The following ELOVL6 variants were observed in gnomAD, a reference collection of about 807,000 sequenced individuals.
ELOVL6 encodes very long chain fatty acid elongase 6.
ELOVL6 carries 8 observed loss-of-function variants against 31.7 expected under a neutral mutation model. The observed-to-expected ratio is 0.25, with a 90% CI of 0.15 to 0.45. The LOEUF is 0.45. Among genes scored for constraint, ELOVL6 ranks in the 20% least tolerant of loss-of-function variants. The probability of loss-of-function intolerance (pLI) is 1.00; values close to 1 mark genes in which losing one functional copy is unlikely to be tolerated. For synonymous variants in ELOVL6, 101 were observed against 117.7 expected (o/e 0.86, Z 0.92); for missense variants, 126 against 326.4 (o/e 0.39, Z 4.73).
intron 1 of ELOVL6, among the ~76,000 whole-genome samples, chr4:110,111,908 GTT>G (rs1273820233): frequency 6.6e-6 from 1 of 152,206 alleles, no homozygotes; most frequent in African/African-American, 2.4e-5. Flanking sequence ...TGCACCTCAA[GTT>G]TGCAGTAAGT....
chr4:110,068,574 G>A (rs539732007), intron 2 of ELOVL6, among the ~76,000 whole-genome samples: 3 of 152,240 alleles, frequency 2.0e-5, no homozygotes, highest in East Asian at 3.9e-4. Flanking sequence ...AGAAGTACCC[G>A]CTTATTGTCT....
chr4:110,117,138 G>A (rs1264981887), intron 1 of ELOVL6, among the ~76,000 whole-genome samples: 4 of 152,162 alleles, frequency 2.6e-5, no homozygotes, highest in Admixed American at 1.3e-4. Flanking sequence ...TTTACAACTG[G>A]AAGGCAGTTG....
rs1553960748 is a variant in ELOVL6, at chr4:110,148,129, A to AG, written c.90-42502dup. 5.2e-3 allele frequency among the ~76,000 whole-genome samples: 784 copies of AG among 150,938 alleles called. 16 individuals carry two copies. Among genetic ancestry groups the AG allele is most frequent in the African/African-American group, 0.018 (718 of 40,844 alleles). ...GGTCTCAAAAAAAAAAAAAAAAAAA[A>AG]GCCAAATAATCATCCCATTAACAAG... On this transcript the variant is annotated intron_variant, in intron 1 of 3. Transcript: ENST00000302274.
At chr4:110,090,600 C>CTTTTTTGTTTTTTTT (rs1553956743) in intron 2 of ELOVL6, among the ~76,000 whole-genome samples, 11 of 103,714 alleles carry the variant, frequency 1.1e-4, no homozygotes, top group Non-Finnish European at 1.1e-4. Context: ...GTTTGACTTT[C>CTTTTTTGTTTTTTTT]TTTTTTTTTT....
In ELOVL6 at chr4:110,117,585, A is replaced by G. The variant is rs575004104; in HGVS notation, c.90-11957T>C. 7.4e-4 allele frequency among the ~76,000 whole-genome samples: 113 copies of G among 151,822 alleles called. 1 individual carries two copies. Among genetic ancestry groups the G allele is most frequent in the Non-Finnish European group, 1.1e-3 (78 of 67,976 alleles). ...CTGCATCCTGAAGGCTGGTAGATTG[A>G]ATTCTTACAATTATTCATCTGCTTC... On this transcript the variant is annotated intron_variant, in intron 1 of 3. Coordinates refer to ENST00000302274, the MANE Select transcript of ELOVL6 (RefSeq NM_024090.3).
chr4:110,147,025 G>A (rs1271638870), intron 1 of ELOVL6: 1 of 153,458 alleles, frequency 6.5e-6, no homozygotes, highest in Non-Finnish European at 1.4e-5. Flanking sequence ...CTGAACTTAA[G>A]GATTTGGGTG....
At chr4:110,082,585 G>C (rs1755898273) in intron 2 of ELOVL6, among the ~76,000 whole-genome samples, 1 of 151,818 alleles carries the variant, frequency 6.6e-6, no homozygotes, top group Admixed American at 6.6e-5. Context: ...CACACACCAG[G>C]GCCTGTTGTG....
At chr4:110,189,794 C>T (rs1759559331) in intron 1 of ELOVL6, among the ~76,000 whole-genome samples, 1 of 151,380 alleles carries the variant, frequency 6.6e-6, no homozygotes, top group Admixed American at 6.6e-5. Context: ...CAGTGAAACC[C>T]CGTCTCTACT....
intron 2 of ELOVL6, among the ~76,000 whole-genome samples, chr4:110,079,758 C>T (rs1037722048): frequency 5.4e-5 from 8 of 148,906 alleles, no homozygotes; most frequent in East Asian, 3.9e-4. Flanking sequence ...CTGAAGGAAA[C>T]AGAGACACAA....
chr4:110,198,150 G>C, intron 1 of ELOVL6, 97 bp downstream of exon 1: 1 of 771,934 alleles, frequency 1.3e-6, no homozygotes, highest in African/African-American at 1.8e-5. Flanking sequence ...GCGATTCATC[G>C]CTCCATTCAC....
At position 110,083,990 on chromosome 4, in the gene ELOVL6, T is replaced by TATATAACATATGCTATATATGAC. The variant is rs1756000238; in HGVS notation, c.221+21506_221+21507insGTCATATATAGCATATGTTATAT. ...ATGATATAACATATGCCATATACGA[T>TATATAACATATGCTATATATGAC]ATATAACATATGCCATATATGGTAT... On this transcript the variant is annotated intron_variant, in intron 2 of 3. Transcript: ENST00000302274. Among the ~76,000 whole-genome samples the TATATAACATATGCTATATATGAC allele has an allele frequency of 2.1e-5, 2 of 96,598 alleles. 1 individual carries two copies. Among genetic ancestry groups the TATATAACATATGCTATATATGAC allele is most frequent in the African/African-American group, 1.0e-4 (2 of 19,580 alleles). The allele number at this position is 96,598 out of a possible 152,430, so 63.4% of individuals were successfully genotyped here.
chr4:110,053,000 C>T (rs7665258), intron 3 of ELOVL6, among the ~76,000 whole-genome samples: 7,865 of 152,228 alleles, frequency 0.052, 270 homozygotes, highest in South Asian at 0.13. Flanking sequence ...TACGTGCCAT[C>T]GCAGCTCACT....
chr4:110,143,282 T>C (rs1258279564), intron 1 of ELOVL6, among the ~76,000 whole-genome samples: 1 of 152,148 alleles, frequency 6.6e-6, no homozygotes, highest in Non-Finnish European at 1.5e-5. Flanking sequence ...TTTTTTAACT[T>C]ATCTTTACCA....
intron 2 of ELOVL6, among the ~76,000 whole-genome samples, chr4:110,066,851 A>G (rs1411375804): frequency 2.0e-5 from 3 of 152,050 alleles, no homozygotes; most frequent in Non-Finnish European, 4.4e-5. Flanking sequence ...TGCACCCATC[A>G]ACGCATCATC....
chr4:110,095,678 G>T (rs780966506), intron 2 of ELOVL6, among the ~76,000 whole-genome samples: 4 of 152,120 alleles, frequency 2.6e-5, no homozygotes, highest in Non-Finnish European at 5.9e-5. Context: ...TTTAATTAAG[G>T]TTTAAACAGG....
At chr4:110,084,239 A>ATAACATGATATATATAACATG (rs1560814690) in intron 2 of ELOVL6, among the ~76,000 whole-genome samples, 3,199 of 93,034 alleles carry the variant, frequency 0.034, 406 homozygotes, top group Non-Finnish European at 0.043. Flanking sequence ...TATATAACAT[A>ATAACATGATATATATAACATG]TATGATATAT....
chr4:110,165,321 A>C (rs751225840), intron 1 of ELOVL6, among the ~76,000 whole-genome samples: 2 of 152,094 alleles, frequency 1.3e-5, no homozygotes, highest in East Asian at 1.9e-4. Context: ...CCCTTCCACC[A>C]TTATGTTCCT....
At chr4:110,098,949 G>A (rs978294170) in intron 2 of ELOVL6, among the ~76,000 whole-genome samples, 2 of 151,916 alleles carry the variant, frequency 1.3e-5, no homozygotes, top group African/African-American at 2.4e-5. Flanking sequence ...GCAACCATAG[G>A]AAAAAAACTA....
intron 1 of ELOVL6, among the ~76,000 whole-genome samples, chr4:110,175,306 C>A (rs1380074826): frequency 2.0e-5 from 3 of 151,934 alleles, no homozygotes; most frequent in Non-Finnish European, 4.4e-5. Flanking sequence ...TCGCTTGACC[C>A]CAGAGGGAGA....
Sources: gnomAD v4.1 joint callset for allele counts (sites outside exome capture counted in the v4.1 genomes callset) on GRCh38, gnomAD v4.1.1 for gene constraint, MANE v1.5 for transcripts, NCBI Gene and HGNC (gene_info 2026-07-23, HGNC 2026-07-21) for gene names.